The following ZFYVE16 variants were observed in gnomAD, a reference collection of about 807,000 sequenced individuals.
The protein encoded by ZFYVE16 is zinc finger FYVE domain-containing protein 16.
A neutral mutation model predicts 138.1 loss-of-function variants in ZFYVE16; 89 were observed. The ratio of observed to expected loss-of-function variants is 0.64; its 90% CI spans 0.54 to 0.77. The LOEUF is 0.77. Among genes scored for constraint, ZFYVE16 ranks in the 30% least tolerant of loss-of-function variants. ZFYVE16 has a pLI of 0.00. For missense variants in ZFYVE16, 1,793 were observed against 1,786.7 expected (o/e 1.00, Z -0.06); for synonymous variants, 596 against 618.3 (o/e 0.96, Z 0.53).
Position 80,472,827 on chromosome 5 carries a change from A to C in ZFYVE16, c.4091A>C (p.Lys1364Thr), listed in dbSNP as rs1754518852. The part of the protein sequence containing the change: ...NGLRLALREQ[K>T]DFKITCGKVD... ...TTGCGGCTAGCTTTACGAGAACAGAAAGACTTTAAAATTACATGTGGGAAA... is the reference window on the plus strand; with the variant it reads ...TTGCGGCTAGCTTTACGAGAACAGACAGACTTTAAAATTACATGTGGGAAA... Residue 1364 changes from lysine to threonine, a missense_variant, in exon 16 of 19, where the codon AAA becomes ACA. Lys to Thr is a moderately conservative substitution (Grantham distance 78). Around this residue, in one of 2 missense-constraint regions of ZFYVE16, gnomAD observed 498 missense variants for 582.4 expected, o/e 0.86. Coordinates refer to ENST00000505560, the MANE Select transcript of ZFYVE16 (RefSeq NM_001284236.3). 2.5e-6 allele frequency: 4 copies of C among 1,614,022 alleles called. No individual in the cohort carries two copies. Among genetic ancestry groups the C allele is most frequent in the Non-Finnish European group, 3.4e-6 (4 of 1,179,982 alleles).
At chr5:80,435,843 G>A (rs767843622) in intron 3 of ZFYVE16, 8 of 293,628 alleles carry the variant, frequency 2.7e-5, no homozygotes, top group African/African-American at 4.5e-5. Flanking sequence ...CCAAAGCGCT[G>A]GGATTACAGT....
chr5:80,410,995 T>G (rs1212587041), intron 1 of ZFYVE16, among the ~76,000 whole-genome samples: 2 of 151,482 alleles, frequency 1.3e-5, no homozygotes, highest in Non-Finnish European at 2.9e-5. Context: ...TGAGATGGAG[T>G]CTCGCTGTGT....
chr5:80,436,665 G>T (rs1003244199), intron 3 of ZFYVE16, 91 bp from the exon 4 acceptor site: 6 of 1,146,962 alleles, frequency 5.2e-6, no homozygotes, highest in Non-Finnish European at 7.3e-6. Flanking sequence ...TTAAAAAAGT[G>T]TATTTAGTTT....
At chr5:80,431,676 T>C (rs1749049651) in intron 2 of ZFYVE16, among the ~76,000 whole-genome samples, 2 of 152,098 alleles carry the variant, frequency 1.3e-5, no homozygotes, top group Non-Finnish European at 2.9e-5. Flanking sequence ...CATGATTGTA[T>C]ATTTAGAAAA....
intron 2 of ZFYVE16, among the ~76,000 whole-genome samples, chr5:80,433,233 T>C (rs76469466): frequency 0.12 from 18,112 of 152,158 alleles, 1,300 homozygotes; most frequent in Middle Eastern, 0.23. Flanking sequence ...GTGGCACATA[T>C]ACACCATGGA....
intron 15 of ZFYVE16, among the ~76,000 whole-genome samples, chr5:80,464,050 C>T (rs933248005): frequency 5.3e-5 from 8 of 152,198 alleles, no homozygotes; most frequent in Non-Finnish European, 8.8e-5. Context: ...AACTTTCCCA[C>T]ATCTTCCTCT....
At chr5:80,427,364 A>C (rs1362673902) in intron 1 of ZFYVE16, 128 bp from the exon 2 acceptor site, 2 of 152,034 alleles carry the variant, frequency 1.3e-5, no homozygotes, top group Admixed American at 1.3e-4. Context: ...TTTTTTAAAA[A>C]AAATCTATTT....
At chr5:80,408,629 C>T (rs2112101844) in intron 1 of ZFYVE16, among the ~76,000 whole-genome samples, 1 of 152,370 alleles carries the variant, frequency 6.6e-6, no homozygotes, top group Middle Eastern at 3.4e-3. Flanking sequence ...ATTCCCGCAC[C>T]CATGCATTTT....
chr5:80,457,316 G>A (rs990779726), intron 14 of ZFYVE16, among the ~76,000 whole-genome samples: 3 of 152,096 alleles, frequency 2.0e-5, no homozygotes, highest in Non-Finnish European at 4.4e-5. Flanking sequence ...TTTTCCTTTT[G>A]ACATCTTTAG....
At chr5:80,467,756 G>GAA (rs1753890715) in intron 15 of ZFYVE16, among the ~76,000 whole-genome samples, 1 of 152,080 alleles carries the variant, frequency 6.6e-6, no homozygotes, top group African/African-American at 2.4e-5. Context: ...TACCTGAAGG[G>GAA]AAAAGCAAGT....
At chr5:80,470,878 A>G (rs1324582238) in intron 15 of ZFYVE16, among the ~76,000 whole-genome samples, 1 of 152,172 alleles carries the variant, frequency 6.6e-6, no homozygotes, top group Non-Finnish European at 1.5e-5. Flanking sequence ...AACTATTGCT[A>G]CAGAATAAAA....
At position 80,457,067 on chromosome 5, in the gene ZFYVE16, C is replaced by T. The variant is rs1752599073; in HGVS notation, c.3918C>T (p.Asn1306=). ...QNDGIYETQA[N]SATGHPRKVT... ...ATGGAATTTATGAAACACAGGCCAA[C>T]AGTGCCACTGGCCATCCTAGAAAAG... is the stretch of plus-strand genomic sequence containing the variant. Residue 1306 remains asparagine, a synonymous_variant, in exon 14 of 19, where the codon AAC becomes AAT. Transcript: ENST00000505560. The T allele has an allele frequency of 6.2e-7, 1 of 1,612,176 alleles. No homozygotes were observed.
intron 15 of ZFYVE16, among the ~76,000 whole-genome samples, chr5:80,471,421 G>C (rs1381939638): frequency 6.6e-6 from 1 of 152,116 alleles, no homozygotes; most frequent in Non-Finnish European, 1.5e-5. Context: ...TCTTATCTCT[G>C]TATACTGTAC....
chr5:80,466,075 C>T lies in ZFYVE16; in HGVS notation c.4024+6581C>T, dbSNP rs1044661842. Among the ~76,000 whole-genome samples the T allele has an allele frequency of 4.6e-5, 7 of 151,954 alleles. No homozygotes were observed. In the South Asian group the frequency reaches 1.0e-3, roughly 23 times the overall value. On this transcript the variant is annotated intron_variant, in intron 15 of 18. Coordinates refer to ENST00000505560, the MANE Select transcript of ZFYVE16 (RefSeq NM_001284236.3). ...TGTTAGCTGGGATTACAGGCACCCACCACCACGCCCAGCTAATTTTTTGTA... is the reference window on the plus strand; with the variant it reads ...TGTTAGCTGGGATTACAGGCACCCATCACCACGCCCAGCTAATTTTTTGTA...
At chr5:80,408,980 AT>A (rs55690948) in intron 1 of ZFYVE16, among the ~76,000 whole-genome samples, 130,792 of 152,144 alleles carry the variant, frequency 0.86, 57,378 homozygotes, top group Non-Finnish European at 0.94. Context: ...TTTTCGCCTA[AT>A]TTCTTCCTTT....
At chr5:80,424,725 G>A (rs1234679749) in intron 1 of ZFYVE16, among the ~76,000 whole-genome samples, 4 of 152,172 alleles carry the variant, frequency 2.6e-5, no homozygotes, top group Admixed American at 2.6e-4. Context: ...GCCTCCCAAA[G>A]TGTTGGGATT....
At chr5:80,466,114 CA>C (rs1403029548) in intron 15 of ZFYVE16, among the ~76,000 whole-genome samples, 3 of 151,920 alleles carry the variant, frequency 2.0e-5, no homozygotes, top group Admixed American at 2.0e-4. Flanking sequence ...TTAGTAGAGA[CA>C]GGGTTTCACC....
rs1479053005 is a variant in ZFYVE16, at chr5:80,480,078, A to G, written c.*2701A>G. Among the ~76,000 whole-genome samples the G allele has an allele frequency of 6.6e-6, 1 of 152,146 alleles. No individual in the cohort carries two copies. The highest frequency in any genetic ancestry group is 1.5e-5 in the Non-Finnish European group (1 of 68,032). Reference sequence around the variant, plus strand: ...TTGTAGGCCTCAAATTACTTTTCAAATATGTCTAGTAACACATAGTAAAAA... The same window carrying G: ...TTGTAGGCCTCAAATTACTTTTCAAGTATGTCTAGTAACACATAGTAAAAA... On this transcript the variant is annotated 3_prime_UTR_variant, in exon 19 of 19. Coordinates refer to ENST00000505560, the MANE Select transcript of ZFYVE16 (RefSeq NM_001284236.3).
At position 80,478,553 on chromosome 5, in the gene ZFYVE16, T is replaced by A. The variant is rs1755110742; in HGVS notation, c.*1176T>A. On this transcript the variant is annotated 3_prime_UTR_variant, in exon 19 of 19. Transcript: ENST00000505560. ...CTGTCATTTAAGTTATGTAAAAAAT[T>A]TAATCATTATTTTGATGCTTTAAAC... 1 of 152,054 alleles carries A rather than the reference T, an allele frequency of 6.6e-6. No homozygotes were observed. Among genetic ancestry groups the A allele is most frequent in the South Asian group, 2.1e-4 (1 of 4,826 alleles). The allele number at this position is 152,054 out of a possible 1,614,324, so 9.4% of individuals were successfully genotyped here.
Sources: allele counts gnomAD v4.1 joint callset (sites outside exome capture counted in the v4.1 genomes callset), GRCh38; gene constraint gnomAD v4.1.1; regional missense constraint gnomAD v4.1.1; transcripts MANE v1.5; gene names NCBI Gene and HGNC (gene_info 2026-07-23, HGNC 2026-07-21).